The following RSF1 variants were observed in gnomAD, a reference collection of about 807,000 sequenced individuals.
RSF1 encodes HBV pX-associated protein 8.
In RSF1, 13 loss-of-function variants were observed where a neutral mutation model predicts 145.2. The ratio of observed to expected loss-of-function variants is 0.09; its 90% CI spans 0.06 to 0.14. The LOEUF is 0.14. Ranked by LOEUF, RSF1 falls within the 10% of genes least tolerant of loss-of-function variation. The probability of loss-of-function intolerance (pLI) is 1.00; values close to 1 mark genes in which losing one functional copy is unlikely to be tolerated. For synonymous variants in RSF1, 577 were observed against 592.6 expected (o/e 0.97, Z 0.38); for missense variants, 1,517 against 1,718.2 (o/e 0.88, Z 2.07).
intron 4 of RSF1, 110 bp from the exon 5 acceptor site, chr11:77,725,809 C>A: frequency 1.3e-6 from 1 of 796,240 alleles, no homozygotes; most frequent in East Asian, 3.1e-5. Flanking sequence ...ACATTAAGAA[C>A]ATCAAAAACA....
intron 1 of RSF1, among the ~76,000 whole-genome samples, chr11:77,784,975 T>C (rs1039120048): frequency 6.6e-6 from 1 of 152,234 alleles, no homozygotes; most frequent in African/African-American, 2.4e-5. Flanking sequence ...TTTCAGAACC[T>C]GGCCCTGCAA....
chr11:77,696,875 T>C (rs1420780910), intron 7 of RSF1, among the ~76,000 whole-genome samples: 1 of 152,248 alleles, frequency 6.6e-6, no homozygotes, highest in Non-Finnish European at 1.5e-5. Context: ...TATCTTTTAC[T>C]TGAGCCTTTA....
intron 1 of RSF1, among the ~76,000 whole-genome samples, chr11:77,803,985 C>T (rs1462135803): frequency 2.0e-5 from 3 of 152,152 alleles, no homozygotes; most frequent in African/African-American, 2.4e-5. Flanking sequence ...GCAGGAGGAT[C>T]GCTTGAGCCC....
chr11:77,706,664 T>A (rs985076480), intron 5 of RSF1, among the ~76,000 whole-genome samples: 35 of 151,984 alleles, frequency 2.3e-4, no homozygotes, highest in African/African-American at 8.0e-4. Context: ...TTTCCTAATT[T>A]TTTTTTTTTA....
At chr11:77,826,340 T>A in the RSF1 span, among the ~76,000 whole-genome samples, 1 of 151,060 alleles carries the variant, frequency 6.6e-6, no homozygotes, top group Non-Finnish European at 1.5e-5. Flanking sequence ...CTGGCCTGGG[T>A]GACAGAGTGA....
the RSF1 span, among the ~76,000 whole-genome samples, chr11:77,834,445 T>TG: frequency 2.7e-5 from 4 of 146,984 alleles, no homozygotes; most frequent in African/African-American, 7.5e-5. Flanking sequence ...GATTTTGTTT[T>TG]TTTTTTTTTT....
chr11:77,699,880 G>A (rs577511855), intron 6 of RSF1, among the ~76,000 whole-genome samples: 4 of 152,174 alleles, frequency 2.6e-5, no homozygotes, highest in Admixed American at 6.5e-5. Context: ...AATAAACTGA[G>A]GTATATCCAC....
chr11:77,864,251 C>T, the RSF1 span, among the ~76,000 whole-genome samples: 2 of 151,664 alleles, frequency 1.3e-5, no homozygotes, highest in Admixed American at 1.3e-4. Flanking sequence ...AATATTAGAA[C>T]ATAATGATTA....
the RSF1 span, among the ~76,000 whole-genome samples, chr11:77,852,759 T>C: frequency 6.6e-6 from 1 of 152,040 alleles, no homozygotes; most frequent in Admixed American, 6.6e-5. Context: ...TATAAATAAT[T>C]TTTTTTCTTT....
chr11:77,807,719 C>A (rs184697594), intron 1 of RSF1, among the ~76,000 whole-genome samples: 1 of 152,254 alleles, frequency 6.6e-6, no homozygotes, highest in Admixed American at 6.5e-5. Context: ...GGCCTCAATC[C>A]CCAGAGATTC....
rs576459858 is a variant in RSF1 at position 77,765,899 on chromosome 11, C to G, written c.188-1210G>C. 9.2e-5 allele frequency among the ~76,000 whole-genome samples: 14 copies of G among 152,224 alleles called. No individual in the cohort carries two copies. The East Asian group carries it at 2.5e-3, about 27-fold the overall frequency. ...AGTAGCTGGAATTACAGGTGCCCAC[C>G]ACTACTCCCGGCTAGTTTTTGCATT... On this transcript the variant is annotated intron_variant, in intron 1 of 15. Coordinates refer to ENST00000308488, the MANE Select transcript of RSF1 (RefSeq NM_016578.4).
chr11:77,833,013 T>A, the RSF1 span, among the ~76,000 whole-genome samples: 44 of 130,856 alleles, frequency 3.4e-4, no homozygotes, highest in East Asian at 1.1e-3. Flanking sequence ...ATATATATTT[T>A]TTTTTTTTTT....
intron 7 of RSF1, among the ~76,000 whole-genome samples, chr11:77,693,943 C>A (rs563166011): frequency 6.6e-6 from 1 of 152,010 alleles, no homozygotes; most frequent in Non-Finnish European, 1.5e-5. Context: ...TGCCACCACA[C>A]CCAGCTAATT....
chr11:77,686,408 C>CAAAAAAAAAAAAGAAAAAAA, intron 9 of RSF1, among the ~76,000 whole-genome samples: 1 of 37,132 alleles, frequency 2.7e-5, no homozygotes, highest in Non-Finnish European at 4.7e-5. Flanking sequence ...GACCCTGTCT[C>CAAAAAAAAAAAAGAAAAAAA]AAAAAAAAAA....
At chr11:77,667,962 C>CA (rs1959414932) in intron 15 of RSF1, among the ~76,000 whole-genome samples, 1 of 152,054 alleles carries the variant, frequency 6.6e-6, no homozygotes, top group African/African-American at 2.4e-5. Context: ...CTTGGCCTCC[C>CA]AAAGTGCTGG....
At chr11:77,673,834 A>T (rs1314790008) in intron 14 of RSF1, among the ~76,000 whole-genome samples, 1 of 152,190 alleles carries the variant, frequency 6.6e-6, no homozygotes, top group Non-Finnish European at 1.5e-5. Flanking sequence ...GAAACAAAAG[A>T]AATCAAAACT....
chr11:77,830,987 C>CAAA, the RSF1 span, among the ~76,000 whole-genome samples: 12,945 of 99,660 alleles, frequency 0.13, 871 homozygotes, highest in Non-Finnish European at 0.18. Flanking sequence ...CAAAATATAC[C>CAAA]AAAAAAAAAA....
In RSF1 at chr11:77,700,741, T is replaced by C. The variant is rs1307424710; in HGVS notation, c.2488A>G (p.Thr830Ala). 1 of 1,584,594 alleles carries C rather than the reference T, an allele frequency of 6.3e-7. No individual in the cohort carries two copies. Among genetic ancestry groups the C allele is most frequent in the African/African-American group, 1.4e-5 (1 of 73,044 alleles). ...TTTACCTTGCTTACTTTAGAATTTG[T>C]ATCTTTCTCTGATTTTTTCAAAATT... is the stretch of plus-strand genomic sequence containing the variant. ...KEILKKSEKD[T>A]NSKVSKVKPK... The change falls in exon 6 of 16, where the codon ACA (threonine) becomes GCA (alanine). Residue 830 changes from threonine to alanine, a missense_variant. Physicochemically the swap from Thr to Ala is moderately conservative, Grantham distance 58 (BLOSUM62 0). This residue lies in a region of RSF1 where 579 missense variants were observed against 553.5 expected (regional missense o/e 1.05). Transcript: ENST00000308488.
chr11:77,750,474 TTTTGAG>T (rs1236425099), intron 2 of RSF1, among the ~76,000 whole-genome samples: 1 of 152,232 alleles, frequency 6.6e-6, no homozygotes, highest in Non-Finnish European at 1.5e-5. Context: ...ATTATTCTTC[TTTTGAG>T]TTTTTCTCCC....
Sources: gnomAD v4.1 joint callset for allele counts (sites outside exome capture counted in the v4.1 genomes callset) on GRCh38, gnomAD v4.1.1 for gene constraint, gnomAD v4.1.1 regional missense constraint, MANE v1.5 for transcripts, NCBI Gene and HGNC (gene_info 2026-07-23, HGNC 2026-07-21) for gene names.